HS3ST4: variants seen among roughly 807,000 people sequenced by gnomAD.
HS3ST4 encodes the protein heparan sulfate-glucosamine 3-sulfotransferase 4, also known as heparan sulfate glucosamine 3-O-sulfotransferase 4.
Under a neutral mutation model 29.2 loss-of-function variants are expected in HS3ST4, and 17 were observed. The ratio of observed to expected loss-of-function variants is 0.58; its 90% CI spans 0.40 to 0.87. The LOEUF (loss-of-function observed/expected upper bound fraction) is 0.87. Among genes scored for constraint, HS3ST4 ranks in the 40% least tolerant of loss-of-function variants. The probability of loss-of-function intolerance (pLI) is 0.00; values close to 1 mark genes in which losing one functional copy is unlikely to be tolerated. For missense variants in HS3ST4, 627 were observed against 634.5 expected, an observed-to-expected ratio of 0.99 and a Z score of 0.13; for synonymous variants, 314 against 285.7, an observed-to-expected ratio of 1.10 and a Z score of -1.00.
chr16:25,896,097 C>T (rs7203081), intron 1 of HS3ST4, among the ~76,000 whole-genome samples: 9 of 151,898 alleles, frequency 5.9e-5, no homozygotes, highest in Admixed American at 1.3e-4. Context: ...CTCTTCTTAA[C>T]GATTCTCCTG....
intron 1 of HS3ST4, among the ~76,000 whole-genome samples, chr16:25,778,759 G>A (rs894588784): frequency 1.3e-5 from 2 of 151,932 alleles, no homozygotes; most frequent in South Asian, 2.1e-4. Flanking sequence ...GAAGGAGGAG[G>A]AGAAGAAGGA....
rs1407438441 is a variant in HS3ST4, at chr16:25,751,955, G to A, written c.734+58804G>A. 2.6e-5 allele frequency among the ~76,000 whole-genome samples: 4 copies of A among 151,932 alleles called. No individual in the cohort carries two copies. The East Asian group carries it at 7.8e-4, about 30-fold the overall frequency. On this transcript the variant is annotated intron_variant, in intron 1 of 1. Transcript: ENST00000331351. ...AAAATGGCCTTCCTGCTGTGTTTCT[G>A]TGACTAGTAAGTTTTAAATCTACTC...
chr16:25,906,397 T>C (rs1346286235), intron 1 of HS3ST4, among the ~76,000 whole-genome samples: 2 of 152,182 alleles, frequency 1.3e-5, no homozygotes, highest in East Asian at 3.9e-4. Context: ...CTACCCTGAG[T>C]GGACTTTCAT....
chr16:26,094,761 A>G (rs1267677593), intron 1 of HS3ST4, among the ~76,000 whole-genome samples: 1 of 152,254 alleles, frequency 6.6e-6, no homozygotes, highest in African/African-American at 2.4e-5. Context: ...TTCACACATA[A>G]CAATATTAAC....
intron 1 of HS3ST4, among the ~76,000 whole-genome samples, chr16:25,873,045 GGCTCAGAATGCACTGGCTGT>G (rs1301934524): frequency 3.3e-5 from 5 of 152,058 alleles, no homozygotes; most frequent in Non-Finnish European, 2.9e-5. Context: ...TGTTGACATT[GGCTCAGAATGCACTGGCTGT>G]GCACCTAGAT....
At chr16:25,911,365 G>A (rs985616131) in intron 1 of HS3ST4, among the ~76,000 whole-genome samples, 60 of 152,030 alleles carry the variant, frequency 3.9e-4, no homozygotes, top group African/African-American at 1.5e-3. Flanking sequence ...CTGACTGTGG[G>A]CCACTCAGTT....
At chr16:26,047,305 A>G (rs1400001884) in intron 1 of HS3ST4, among the ~76,000 whole-genome samples, 5 of 152,220 alleles carry the variant, frequency 3.3e-5, no homozygotes, top group African/African-American at 4.8e-5. Flanking sequence ...TTCTGCATCA[A>G]GGACTCTTCC....
intron 1 of HS3ST4, among the ~76,000 whole-genome samples, chr16:26,118,421 C>G (rs1353023018): frequency 6.6e-6 from 1 of 152,044 alleles, no homozygotes; most frequent in East Asian, 1.9e-4. Context: ...GTAGATGTCA[C>G]AAAAACTACA....
chr16:25,901,041 T>G (rs1056737561), intron 1 of HS3ST4, among the ~76,000 whole-genome samples: 2 of 152,104 alleles, frequency 1.3e-5, no homozygotes, highest in Non-Finnish European at 2.9e-5. Context: ...AGAGAAGAGT[T>G]GAGTAATGAC....
intron 1 of HS3ST4, among the ~76,000 whole-genome samples, chr16:26,088,995 C>A (rs114289046): frequency 0.01 from 1,592 of 152,334 alleles, 20 homozygotes; most frequent in African/African-American, 0.037. Flanking sequence ...GTATAAAAGT[C>A]TTCCCAGAGG....
chr16:26,133,654 C>T (rs4480808), intron 1 of HS3ST4, among the ~76,000 whole-genome samples: 8,648 of 152,290 alleles, frequency 0.057, 349 homozygotes, highest in Non-Finnish European at 0.083. Context: ...CATAAAAGTG[C>T]TTGCCGAGAT....
intron 1 of HS3ST4, among the ~76,000 whole-genome samples, chr16:26,007,714 C>T (rs1029581391): frequency 3.3e-5 from 5 of 152,128 alleles, no homozygotes; most frequent in East Asian, 1.9e-4. Context: ...CATCAGATGC[C>T]GTTGTCCTTC....
chr16:25,976,931 G>T (rs201718216), intron 1 of HS3ST4, among the ~76,000 whole-genome samples: 1 of 1,598 alleles, frequency 6.3e-4, no homozygotes, highest in African/African-American at 1.6e-3. Flanking sequence ...TAATTTTCAC[G>T]TCGCAAAATA....
intron 1 of HS3ST4, among the ~76,000 whole-genome samples, chr16:25,867,279 T>A (rs987701342): frequency 6.6e-6 from 1 of 152,080 alleles, no homozygotes; most frequent in Non-Finnish European, 1.5e-5. Context: ...AAGGATGATC[T>A]CTGGAGAGGG....
chr16:25,700,730 T>G (rs938701309), intron 1 of HS3ST4, among the ~76,000 whole-genome samples: 1 of 152,188 alleles, frequency 6.6e-6, no homozygotes, highest in Non-Finnish European at 1.5e-5. Context: ...TTTAACAAGC[T>G]CCTCTGTAAC....
intron 1 of HS3ST4, among the ~76,000 whole-genome samples, chr16:25,828,315 T>TTTCTTCCTTTCC (rs1212906110): frequency 1.9e-4 from 24 of 129,074 alleles, no homozygotes; most frequent in African/African-American, 5.3e-4. Context: ...TCTCTCTCTC[T>TTTCTTCCTTTCC]CTCTCTCTCT....
At chr16:26,064,788 T>A (rs534437239) in intron 1 of HS3ST4, among the ~76,000 whole-genome samples, 1 of 152,212 alleles carries the variant, frequency 6.6e-6, no homozygotes, top group East Asian at 1.9e-4. Context: ...GGGCTGATTT[T>A]GTATTTTTCT....
intron 1 of HS3ST4, among the ~76,000 whole-genome samples, chr16:25,772,130 A>G (rs1238505835): frequency 6.6e-6 from 1 of 152,248 alleles, no homozygotes; most frequent in African/African-American, 2.4e-5. Flanking sequence ...GATTTGGAAC[A>G]CAAGCTGTAG....
At chr16:25,892,113 G>A (rs1387121317) in intron 1 of HS3ST4, among the ~76,000 whole-genome samples, 1 of 152,176 alleles carries the variant, frequency 6.6e-6, no homozygotes, top group East Asian at 1.9e-4. Flanking sequence ...AAGGAATTTA[G>A]TGGCCAAAAT....
Sources: allele counts gnomAD v4.1 joint callset (sites outside exome capture counted in the v4.1 genomes callset), GRCh38; gene constraint gnomAD v4.1.1; transcripts MANE v1.5; gene names NCBI Gene and HGNC (gene_info 2026-07-23, HGNC 2026-07-21).